EML6: variants seen among roughly 807,000 people sequenced by gnomAD.
The protein encoded by EML6 is EMAP like 6.
EML6 carries 154 observed loss-of-function variants against 240.1 expected under a neutral mutation model. The ratio of observed to expected loss-of-function variants is 0.64; its 90% CI spans 0.56 to 0.73. EML6 has a LOEUF of 0.73. Ranked by LOEUF, EML6 falls within the 30% of genes least tolerant of loss-of-function variation. The pLI, the probability that EML6 is intolerant of heterozygous loss-of-function variation, is 0.00. For synonymous variants in EML6, 1,148 were observed against 899.0 expected (o/e 1.28, Z -4.95); for missense variants, 2,964 against 2,474.6 (o/e 1.20, Z -4.20).
intron 11 of EML6, 92 bp downstream of exon 11, chr2:54,853,947 T>C: frequency 3.0e-6 from 2 of 676,136 alleles, no homozygotes; most frequent in Non-Finnish European, 4.7e-6. Flanking sequence ...TCTATTCCAA[T>C]GCACTGTTTA....
At chr2:54,899,136 T>C (rs1287150216) in intron 21 of EML6, among the ~76,000 whole-genome samples, 2 of 152,228 alleles carry the variant, frequency 1.3e-5, no homozygotes, top group Non-Finnish European at 2.9e-5. Flanking sequence ...ATGCTACACA[T>C]TCAAAGGACT....
chr2:54,940,154 C>A (rs902069065), intron 28 of EML6, among the ~76,000 whole-genome samples: 2 of 152,166 alleles, frequency 1.3e-5, no homozygotes, highest in Admixed American at 1.3e-4. Context: ...CACCAAATGA[C>A]CTCAAAATTC....
intron 2 of EML6, among the ~76,000 whole-genome samples, chr2:54,772,108 A>C (rs1462352215): frequency 6.6e-6 from 1 of 152,232 alleles, no homozygotes; most frequent in Non-Finnish European, 1.5e-5. Context: ...ATCCCGTGGA[A>C]GCCACAGCAT....
At chr2:54,850,305 T>C in intron 10 of EML6, 87 bp downstream of exon 10, 1 of 1,255,516 alleles carries the variant, frequency 8.0e-7, no homozygotes, top group Non-Finnish European at 1.1e-6. Context: ...CATGGCTCTT[T>C]TAGAATTTGT....
chr2:54,877,938 G>A (rs185895132), intron 16 of EML6, among the ~76,000 whole-genome samples: 2 of 152,294 alleles, frequency 1.3e-5, no homozygotes, highest in East Asian at 3.9e-4. Context: ...GGTTGGAGGA[G>A]GGTCTCTTGC....
chr2:54,971,054 T>G lies in EML6; in HGVS notation c.*959T>G, dbSNP rs1406665878. 6.6e-6 allele frequency: 1 copy of G among 152,178 alleles called. No individual in the cohort carries two copies. Among genetic ancestry groups the G allele is most frequent in the East Asian group, 1.9e-4 (1 of 5,204 alleles). 9.4% of individuals were successfully genotyped at this position (152,178 alleles called of 1,614,324 possible). On this transcript the variant is annotated 3_prime_UTR_variant, in exon 42 of 42. Coordinates refer to ENST00000356458, the MANE Select transcript of EML6 (RefSeq NM_001039753.4). ...TGAGCTGACTTATCTCGTTAAATCT[T>G]AAGATAAATGAGGGTAACCCAAGGC...
intron 17 of EML6, chr2:54,882,117 T>C (rs1265996664): frequency 6.6e-6 from 1 of 152,222 alleles, no homozygotes; most frequent in African/African-American, 2.4e-5. Flanking sequence ...AAATTCAGAA[T>C]TGGACCATAG....
rs111332328 is a variant in EML6, at chr2:54,811,521, C to T, written c.198-1711C>T. Among the ~76,000 whole-genome samples the T allele has an allele frequency of 4.6e-3, 693 of 152,254 alleles. 3 individuals are homozygous for T. The highest frequency in any genetic ancestry group is 0.017 in the Middle Eastern group (5 of 294). ...TTACTGTGTATGTATATTGACATAT[C>T]GTGATTATTTCTTTACATGTCTCTT... is the stretch of plus-strand genomic sequence containing the variant. On this transcript the variant is annotated intron_variant, in intron 2 of 41. Coordinates refer to ENST00000356458, the MANE Select transcript of EML6 (RefSeq NM_001039753.4).
intron 26 of EML6, among the ~76,000 whole-genome samples, chr2:54,926,194 C>G (rs1460543498): frequency 6.6e-6 from 1 of 152,166 alleles, no homozygotes; most frequent in Non-Finnish European, 1.5e-5. Context: ...CTCTGCCTCC[C>G]AGGTTCAAGC....
At position 54,891,119 on chromosome 2, in the gene EML6, T is replaced by G; in HGVS notation, c.2504T>G (p.Val835Gly). 1.3e-6 allele frequency: 2 copies of G among 1,505,660 alleles called. No homozygotes were observed. Among genetic ancestry groups the G allele is most frequent in the East Asian group, 5.0e-5 (2 of 40,320 alleles). 93.3% of individuals were successfully genotyped at this position (1,505,660 alleles called of 1,614,324 possible). The part of the protein sequence containing the change: ...NPHHVDKLVT[V>G]GIKHIKFWQQ... ...CACCATGTTGACAAACTGGTTACAG[T>G]TGGGATAAAACACATCAAATTCTGG... The change falls in exon 18 of 42, where the codon GTT becomes GGT. Residue 835 changes from valine (V) to glycine (G), a missense_variant. By Grantham distance (109) the Val-to-Gly change is moderately radical. Transcript: ENST00000356458.
chr2:54,934,099 G>A (rs532038534), intron 28 of EML6, among the ~76,000 whole-genome samples: 43 of 152,264 alleles, frequency 2.8e-4, no homozygotes, highest in African/African-American at 4.8e-4. Flanking sequence ...AGCCGTGTGC[G>A]AGTATTATAT....
At chr2:54,931,075 AGCCTCCCAAGTAGCTG>A (rs1674833553) in intron 28 of EML6, among the ~76,000 whole-genome samples, 1 of 148,052 alleles carries the variant, frequency 6.8e-6, no homozygotes, top group African/African-American at 2.5e-5. Flanking sequence ...CTCCTGCCTC[AGCCTCCCAAGTAGCTG>A]GGACTACAGG....
intron 13 of EML6, among the ~76,000 whole-genome samples, chr2:54,864,134 C>G (rs931199678): frequency 6.6e-6 from 1 of 152,134 alleles, no homozygotes; most frequent in African/African-American, 2.4e-5. Context: ...GGTATTTGGG[C>G]TTTTTGCCTC....
intron 2 of EML6, among the ~76,000 whole-genome samples, chr2:54,795,670 A>C (rs575207205): frequency 6.6e-6 from 1 of 152,318 alleles, no homozygotes; most frequent in South Asian, 2.1e-4. Flanking sequence ...TACATATGCC[A>C]CATGCACTGC....
At chr2:54,886,507 T>C (rs1225239592) in intron 17 of EML6, among the ~76,000 whole-genome samples, 1 of 152,122 alleles carries the variant, frequency 6.6e-6, no homozygotes, top group Non-Finnish European at 1.5e-5. Context: ...ATCTTTTACA[T>C]TTAGATCTGG....
chr2:54,955,627 C>A (rs1234582139), intron 32 of EML6, among the ~76,000 whole-genome samples: 1 of 152,214 alleles, frequency 6.6e-6, no homozygotes, highest in Non-Finnish European at 1.5e-5. Context: ...TCACTGTCTT[C>A]ACTCCCTCTA....
In EML6 at chr2:54,725,294, C is replaced by A; in HGVS notation, c.197+36C>A. 1 of 1,366,306 alleles carries A rather than the reference C, an allele frequency of 7.3e-7. No homozygotes were observed. Among genetic ancestry groups the A allele is most frequent in the South Asian group, 1.6e-5 (1 of 60,762 alleles). 84.6% of individuals were successfully genotyped at this position (1,366,306 alleles called of 1,614,324 possible). On this transcript the variant is annotated intron_variant, in intron 2 of 41. Coordinates refer to ENST00000356458, the MANE Select transcript of EML6 (RefSeq NM_001039753.4). The surrounding 1 kb of genome is among the most constrained non-coding windows in gnomAD (Gnocchi z 4.3). ...GGCCAGGGGCGGCGGGGAGGGGTTG[C>A]GTGTGGAGGCTGGGAAGGTGGGAAG... is the stretch of plus-strand genomic sequence containing the variant.
intron 22 of EML6, among the ~76,000 whole-genome samples, chr2:54,900,849 C>G (rs1673018891): frequency 6.6e-6 from 1 of 152,164 alleles, no homozygotes; most frequent in Non-Finnish European, 1.5e-5. Context: ...ACAAAGTACC[C>G]TGGAGCCTCA....
intron 35 of EML6, among the ~76,000 whole-genome samples, chr2:54,961,187 T>TTTTTTTTTTTGTTTGTTTG (rs1299233474): frequency 0.02 from 106 of 5,332 alleles, 17 homozygotes; most frequent in African/African-American, 0.079. Flanking sequence ...GGAAGTAGTT[T>TTTTTTTTTTTGTTTGTTTG]TTTTTTTTTT....
Sources: allele counts gnomAD v4.1 joint callset (sites outside exome capture counted in the v4.1 genomes callset), GRCh38; gene constraint gnomAD v4.1.1; non-coding constraint Gnocchi (gnomAD v3.1); transcripts MANE v1.5; gene names NCBI Gene and HGNC (gene_info 2026-07-23, HGNC 2026-07-21).